The following RAD51B variants were observed in gnomAD, a reference collection of about 807,000 sequenced individuals.
The protein encoded by RAD51B is RAD51 paralog B.
A neutral mutation model predicts 42.2 loss-of-function variants in RAD51B; 38 were observed. The observed-to-expected ratio is 0.90, with a 90% CI of 0.70 to 1.18. The LOEUF is 1.18. Ranked by LOEUF, RAD51B falls within the 50% of genes most tolerant of loss-of-function variation. The pLI is 0.00. For missense variants in RAD51B, 373 were observed against 400.7 expected, an observed-to-expected ratio of 0.93 and a Z score of 0.59; for synonymous variants, 154 against 145.2, an observed-to-expected ratio of 1.06 and a Z score of -0.43.
At chr14:68,129,646 A>G (rs1242563983) in intron 7 of RAD51B, among the ~76,000 whole-genome samples, 1 of 152,254 alleles carries the variant, frequency 6.6e-6, no homozygotes, top group Admixed American at 6.5e-5. Flanking sequence ...TATTAGTCAG[A>G]AAAGATGTTG....
intron 9 of RAD51B, among the ~76,000 whole-genome samples, chr14:68,441,868 G>A (rs181544111): frequency 6.6e-5 from 10 of 152,150 alleles, no homozygotes; most frequent in African/African-American, 1.7e-4. Context: ...ATCAACGGGC[G>A]CTGGCCACAT....
At chr14:68,483,537 GAAC>G (rs1290970911) in intron 10 of RAD51B, among the ~76,000 whole-genome samples, 5 of 152,170 alleles carry the variant, frequency 3.3e-5, no homozygotes, top group Non-Finnish European at 7.3e-5. Flanking sequence ...ATTCAAGATA[GAAC>G]AACTAGTTTG....
chr14:67,907,921 C>T (rs1426405140), intron 7 of RAD51B, among the ~76,000 whole-genome samples: 1 of 152,160 alleles, frequency 6.6e-6, no homozygotes, highest in Admixed American at 6.5e-5. Context: ...ATTCCTTCTT[C>T]ATGCCTCAAA....
At chr14:68,257,741 A>G (rs144835514) in intron 7 of RAD51B, among the ~76,000 whole-genome samples, 89 of 152,130 alleles carry the variant, frequency 5.9e-4, no homozygotes, top group African/African-American at 2.1e-3. Context: ...TATTATATAA[A>G]TATGTTAGGT....
rs540962800 is a variant in RAD51B, at chr14:67,907,452, T to G, written c.756+20248T>G. Among the ~76,000 whole-genome samples the G allele has an allele frequency of 3.9e-5, 6 of 152,220 alleles. No homozygotes were observed. In the South Asian group the frequency reaches 1.2e-3, roughly 32 times the overall value. Reference sequence around the variant, plus strand: ...CTCATGGTTTGTGTGGGTGAGTAATTCAGATAAGGACTTGTTTCTGCTCCA... The same window carrying G: ...CTCATGGTTTGTGTGGGTGAGTAATGCAGATAAGGACTTGTTTCTGCTCCA... On this transcript the variant is annotated intron_variant, in intron 7 of 10. Coordinates refer to ENST00000471583, the MANE Select transcript of RAD51B (RefSeq NM_133510.4).
chr14:68,087,893 A>ATATTATATATAATTATATAATT (rs1566634244), intron 7 of RAD51B, among the ~76,000 whole-genome samples: 52 of 117,704 alleles, frequency 4.4e-4, no homozygotes, highest in African/African-American at 1.9e-3. Flanking sequence ...ATTATATAAT[A>ATATTATATATAATTATATAATT]TATTATTTAT....
At chr14:67,894,633 A>T (rs1231053088) in intron 7 of RAD51B, among the ~76,000 whole-genome samples, 1 of 152,224 alleles carries the variant, frequency 6.6e-6, no homozygotes, top group Non-Finnish European at 1.5e-5. Flanking sequence ...TAAAATATGT[A>T]AGTAGCTTGT....
At chr14:68,006,150 G>C in intron 7 of RAD51B, among the ~76,000 whole-genome samples, 1 of 152,160 alleles carries the variant, frequency 6.6e-6, no homozygotes, top group East Asian at 1.9e-4. Flanking sequence ...CGTAAGATTT[G>C]GGTGGGACAC....
intron 8 of RAD51B, among the ~76,000 whole-genome samples, chr14:68,353,020 C>T (rs771903135): frequency 2.6e-5 from 4 of 152,136 alleles, no homozygotes; most frequent in Non-Finnish European, 4.4e-5. Flanking sequence ...CTGAAGCAAG[C>T]GCACAGCTCA....
At chr14:67,963,777 G>C (rs2074714558) in intron 7 of RAD51B, among the ~76,000 whole-genome samples, 1 of 152,018 alleles carries the variant, frequency 6.6e-6, no homozygotes, top group African/African-American at 2.4e-5. Context: ...GTACAGATTA[G>C]ATAATTTCTG....
chr14:68,584,165 G>A (rs1180501042), intron 10 of RAD51B, among the ~76,000 whole-genome samples: 2 of 152,126 alleles, frequency 1.3e-5, no homozygotes, highest in Non-Finnish European at 2.9e-5. Context: ...ACAGTGAAGA[G>A]CTTGTTTTCC....
intron 7 of RAD51B, among the ~76,000 whole-genome samples, chr14:67,930,610 G>C (rs1246944337): frequency 6.6e-6 from 1 of 152,126 alleles, no homozygotes; most frequent in African/African-American, 2.4e-5. Flanking sequence ...TCCTCTTGCT[G>C]CTTTAAGACT....
At chr14:68,288,659 T>C (rs971744679) in intron 7 of RAD51B, among the ~76,000 whole-genome samples, 1 of 152,242 alleles carries the variant, frequency 6.6e-6, no homozygotes, top group Non-Finnish European at 1.5e-5. Flanking sequence ...CTAAATATTT[T>C]AGTCAGTGCC....
intron 7 of RAD51B, among the ~76,000 whole-genome samples, chr14:68,279,376 C>G (rs2081280284): frequency 6.6e-6 from 1 of 152,226 alleles, no homozygotes; most frequent in Admixed American, 6.5e-5. Context: ...ATTCTGAATT[C>G]AGTGGGACTT....
intron 7 of RAD51B, among the ~76,000 whole-genome samples, chr14:67,968,842 C>T (rs776943656): frequency 1.3e-5 from 2 of 152,172 alleles, no homozygotes; most frequent in Non-Finnish European, 1.5e-5. Context: ...TTTAAAGCAA[C>T]GCCCTACTCC....
intron 7 of RAD51B, among the ~76,000 whole-genome samples, chr14:68,283,362 A>T (rs1327250387): frequency 6.6e-6 from 1 of 152,224 alleles, no homozygotes; most frequent in Non-Finnish European, 1.5e-5. Context: ...CAGGACACGT[A>T]CAGTGCAGCA....
intron 7 of RAD51B, among the ~76,000 whole-genome samples, chr14:68,018,735 T>C (rs570969873): frequency 2.6e-5 from 4 of 152,216 alleles, no homozygotes; most frequent in Non-Finnish European, 4.4e-5. Flanking sequence ...CATAAACATG[T>C]ACTGAGTCAA....
At chr14:68,454,367 T>C (rs529425910) in intron 9 of RAD51B, among the ~76,000 whole-genome samples, 2 of 152,256 alleles carry the variant, frequency 1.3e-5, no homozygotes, top group East Asian at 3.9e-4. Context: ...AAAAAAAACT[T>C]CTTCAGAATT....
chr14:68,598,713 C>T (rs566918492), downstream of RAD51B, among the ~76,000 whole-genome samples: 6 of 152,324 alleles, frequency 3.9e-5, no homozygotes, highest in East Asian at 3.9e-4. Flanking sequence ...GGAAGGTTCT[C>T]GTGGGCTGTG....
Sources: gnomAD v4.1 joint callset for allele counts (sites outside exome capture counted in the v4.1 genomes callset) on GRCh38, gnomAD v4.1.1 for gene constraint, MANE v1.5 for transcripts, NCBI Gene and HGNC (gene_info 2026-07-23, HGNC 2026-07-21) for gene names.